CPNE4: variants seen among roughly 807,000 people sequenced by gnomAD.
The protein encoded by CPNE4 is copine 4.
CPNE4 carries 25 observed loss-of-function variants against 67.9 expected under a neutral mutation model. The ratio of observed to expected loss-of-function variants is 0.37; its 90% confidence interval spans 0.27 to 0.51. CPNE4 has a LOEUF of 0.51. Among genes scored for constraint, CPNE4 ranks in the 20% least tolerant of loss-of-function variants. The pLI, the probability that CPNE4 is intolerant of heterozygous loss-of-function variation, is 0.93. For synonymous variants in CPNE4, 242 were observed against 244.9 expected (o/e 0.99, Z 0.11); for missense variants, 464 against 690.8 (o/e 0.67, Z 3.68).
chr3:131,782,477 C>T (rs528329000), intron 2 of CPNE4, among the ~76,000 whole-genome samples: 4 of 152,084 alleles, frequency 2.6e-5, no homozygotes, highest in African/African-American at 9.6e-5. Flanking sequence ...AATACACACA[C>T]ACACATGCAC....
chr3:132,009,228 A>G (rs4854870), intron 1 of CPNE4, among the ~76,000 whole-genome samples: 28,466 of 152,128 alleles, frequency 0.19, 3,449 homozygotes, highest in East Asian at 0.39. Context: ...AAAAAATGCA[A>G]TAGCTTCAAG....
At chr3:131,624,162 G>A (rs1940617907) in intron 7 of CPNE4, among the ~76,000 whole-genome samples, 1 of 152,112 alleles carries the variant, frequency 6.6e-6, no homozygotes. Context: ...CTCCACCTGG[G>A]TTTTCTGAGT....
intron 1 of CPNE4, among the ~76,000 whole-genome samples, chr3:131,955,553 G>A (rs1408355283): frequency 3.3e-5 from 5 of 151,120 alleles, no homozygotes; most frequent in Non-Finnish European, 7.4e-5. Context: ...CTTGGGAAAT[G>A]GCTTCTTGAG....
Position 131,833,508 on chromosome 3 carries a change from G to T in CPNE4, c.180+71756C>A, listed in dbSNP as rs536622899. ...CAGGAGTTTGAGACAAGCCTTGGCA[G>T]CACAGTGAAACTCCACCTCTACTAA... On this transcript the variant is annotated intron_variant, in intron 2 of 15. Coordinates refer to ENST00000429747, the MANE Select transcript of CPNE4 (RefSeq NM_130808.3). 1.2e-3 allele frequency among the ~76,000 whole-genome samples: 176 copies of T among 152,180 alleles called. 1 individual carries two copies. The highest frequency in any genetic ancestry group is 2.2e-3 in the Non-Finnish European group (153 of 68,004).
At chr3:131,802,903 A>G (rs2084182072) in intron 2 of CPNE4, among the ~76,000 whole-genome samples, 1 of 152,290 alleles carries the variant, frequency 6.6e-6, no homozygotes, top group South Asian at 2.1e-4. Flanking sequence ...TCAGCAACCC[A>G]CAGAGACAAT....
intron 1 of CPNE4, among the ~76,000 whole-genome samples, chr3:132,020,328 G>C (rs2073967508): frequency 6.6e-6 from 1 of 152,198 alleles, no homozygotes; most frequent in African/African-American, 2.4e-5. Flanking sequence ...GGTACAGCCT[G>C]GGATTCTGAT....
At position 131,535,191 on chromosome 3, in the gene CPNE4, G is replaced by T; in HGVS notation, c.*4C>A. 6.2e-7 allele frequency: 1 copy of T among 1,606,394 alleles called. No homozygotes were observed. Among genetic ancestry groups the T allele is most frequent in the Non-Finnish European group, 8.5e-7 (1 of 1,177,024 alleles). On this transcript the variant is annotated 3_prime_UTR_variant, in exon 16 of 16. Coordinates refer to ENST00000429747, the MANE Select transcript of CPNE4 (RefSeq NM_130808.3). ...TCAGAACTCTGTAAAACTGTGTGGG[G>T]AGTTCATGGTGCTAGTGTTCTGGAA...
intron 5 of CPNE4, among the ~76,000 whole-genome samples, chr3:131,695,007 T>C (rs908460271): frequency 6.6e-6 from 1 of 152,216 alleles, no homozygotes; most frequent in African/African-American, 2.4e-5. Context: ...GTGTTGTGTC[T>C]TTGGGTAAAT....
intron 2 of CPNE4, among the ~76,000 whole-genome samples, chr3:131,838,203 T>C (rs2108011775): frequency 6.6e-6 from 1 of 152,112 alleles, no homozygotes; most frequent in Admixed American, 6.5e-5. Context: ...TAAAATTTGT[T>C]TTACTAATAC....
intron 7 of CPNE4, among the ~76,000 whole-genome samples, chr3:131,607,957 G>A (rs1297812959): frequency 6.6e-6 from 1 of 152,124 alleles, no homozygotes; most frequent in Non-Finnish European, 1.5e-5. Flanking sequence ...GACAGCAGCT[G>A]CTTCCTTAAA....
intron 3 of CPNE4, among the ~76,000 whole-genome samples, chr3:131,717,953 TTCTC>T (rs1348326104): frequency 4.0e-5 from 6 of 150,164 alleles, no homozygotes; most frequent in South Asian, 4.3e-4. Context: ...TTTTCTTTCT[TTCTC>T]TCTTTCTTTC....
chr3:131,599,837 C>G (rs1939103358), intron 7 of CPNE4, among the ~76,000 whole-genome samples: 1 of 152,170 alleles, frequency 6.6e-6, no homozygotes, highest in African/African-American at 2.4e-5. Context: ...TCAGGTTTGT[C>G]CCCAGGCTCT....
chr3:131,669,382 T>G (rs2107654531), intron 7 of CPNE4, among the ~76,000 whole-genome samples: 1 of 152,318 alleles, frequency 6.6e-6, no homozygotes, highest in South Asian at 2.1e-4. Context: ...ACTATTTTCA[T>G]TTTAATAACT....
chr3:132,007,296 G>A (rs1881910), intron 1 of CPNE4, among the ~76,000 whole-genome samples: 127,407 of 152,014 alleles, frequency 0.84, 54,475 homozygotes, highest in Non-Finnish European at 0.93. Flanking sequence ...AAGATGAGAC[G>A]TGACTCAAAT....
intron 2 of CPNE4, among the ~76,000 whole-genome samples, chr3:131,893,506 A>G (rs2088199244): frequency 6.6e-6 from 1 of 152,064 alleles, no homozygotes; most frequent in East Asian, 1.9e-4. Context: ...CATTTCATCC[A>G]ATAGCTGAAG....
intron 7 of CPNE4, among the ~76,000 whole-genome samples, chr3:131,644,669 G>T (rs1402040263): frequency 6.6e-6 from 1 of 152,158 alleles, no homozygotes; most frequent in East Asian, 1.9e-4. Flanking sequence ...AGAAGATCTT[G>T]CCTCTTACCC....
chr3:131,935,892 T>G (rs1408861811), intron 1 of CPNE4, among the ~76,000 whole-genome samples: 1 of 151,984 alleles, frequency 6.6e-6, no homozygotes, highest in African/African-American at 2.4e-5. Context: ...GAATGGGGTC[T>G]TTATAGAGGA....
At chr3:131,700,042 T>G in intron 3 of CPNE4, 62 bp from the exon 4 acceptor site, 1 of 839,956 alleles carries the variant, frequency 1.2e-6, no homozygotes, top group Non-Finnish European at 1.8e-6. Context: ...ACTGTAGATC[T>G]ATTTTTTAAA....
intron 6 of CPNE4, among the ~76,000 whole-genome samples, chr3:131,678,417 T>C (rs2080642815): frequency 6.6e-6 from 1 of 152,186 alleles, no homozygotes; most frequent in Non-Finnish European, 1.5e-5. Context: ...CCTATTTGAA[T>C]GCCCTTTATT....
Sources: allele counts gnomAD v4.1 joint callset (sites outside exome capture counted in the v4.1 genomes callset), GRCh38; gene constraint gnomAD v4.1.1; transcripts MANE v1.5; gene names NCBI Gene and HGNC (gene_info 2026-07-23, HGNC 2026-07-21).